The following ISG20 variants were observed in gnomAD, a reference collection of about 807,000 sequenced individuals.
ISG20 encodes the protein interferon-stimulated gene 20 kDa protein.
ISG20 carries 8 observed loss-of-function variants against 11.1 expected under a neutral mutation model. The ratio of observed to expected loss-of-function variants is 0.72; its 90% confidence interval spans 0.42 to 1.30. ISG20 has a LOEUF of 1.30. ISG20 is among the 50% of genes most tolerant of loss of function. ISG20 has a pLI of 0.01. For synonymous variants in ISG20, 110 were observed against 101.7 expected, an observed-to-expected ratio of 1.08 and a Z score of -0.49; for missense variants, 243 against 250.2, an observed-to-expected ratio of 0.97 and a Z score of 0.19.
chr15:88,656,339 T>A lies in ISG20; in HGVS notation c.*808T>A, dbSNP rs2058374771. On this transcript the variant is annotated 3_prime_UTR_variant, in exon 4 of 4. Transcript: ENST00000306072. The stretch of plus-strand genomic sequence containing the variant: ...ACCGCACTCTGTTTCGGGGCTCGGC[T>A]CTCTGAGGGGAGGGCATCCTGTATG... 1 of 152,106 alleles carries A rather than the reference T, an allele frequency of 6.6e-6. No individual in the cohort carries two copies. The highest frequency in any genetic ancestry group is 2.4e-5 in the African/African-American group (1 of 41,418). The allele number at this position is 152,106 out of a possible 1,614,324, so 9.4% of individuals were successfully genotyped here. A position where few individuals can be genotyped will look rare whatever the true frequency, so the allele number is the denominator to read the frequency against.
intron 3 of ISG20, among the ~76,000 whole-genome samples, chr15:88,653,966 T>C (rs1371694659): frequency 6.6e-6 from 1 of 152,044 alleles, no homozygotes; most frequent in Non-Finnish European, 1.5e-5. Flanking sequence ...TCTCATTCCA[T>C]CCTTTAAGGC....
chr15:88,647,040 G>A (rs1297814441), intron 2 of ISG20: 1 of 152,382 alleles, frequency 6.6e-6, no homozygotes, highest in African/African-American at 2.4e-5. Flanking sequence ...CATAGTGTTG[G>A]GATTATAGGC....
Position 88,639,697 on chromosome 15 carries a change from A to G in ISG20, c.228+103A>G. The G allele has an allele frequency of 2.3e-6, 2 of 851,236 alleles. No individual in the cohort carries two copies. The highest frequency in any genetic ancestry group is 3.7e-6 in the Non-Finnish European group (2 of 540,326). 52.7% of individuals were successfully genotyped at this position (851,236 alleles called of 1,614,324 possible). ...ATCTGTGACCTGTGACCCCACTTGT[A>G]AGATTTCCCACACTGCTGTTGGGAG... On this transcript the variant is annotated intron_variant, in intron 2 of 3. Transcript: ENST00000306072. The surrounding 1 kb of genome is among the most constrained non-coding windows in gnomAD (Gnocchi z 4.2).
chr15:88,654,961 G>T (rs771506521), intron 3 of ISG20, among the ~76,000 whole-genome samples: 5 of 152,082 alleles, frequency 3.3e-5, no homozygotes, highest in Non-Finnish European at 5.9e-5. Context: ...AGCTGCACAT[G>T]CTCTCCCTGC....
At chr15:88,645,733 G>C (rs1330052233) in intron 2 of ISG20, among the ~76,000 whole-genome samples, 1 of 152,060 alleles carries the variant, frequency 6.6e-6, no homozygotes, top group Admixed American at 6.6e-5. Context: ...GGCAGCCCCA[G>C]GCCAGAAGAG....
Position 88,641,139 on chromosome 15 carries a change from C to G in ISG20, c.228+1545C>G, listed in dbSNP as rs1195161744. 2.6e-5 allele frequency among the ~76,000 whole-genome samples: 4 copies of G among 151,968 alleles called. No individual in the cohort carries two copies. In the South Asian group the frequency reaches 8.3e-4, roughly 32 times the overall value. On this transcript the variant is annotated intron_variant, in intron 2 of 3. Coordinates refer to ENST00000306072, the MANE Select transcript of ISG20 (RefSeq NM_002201.6). ...TCCCAAGTAACTGGGACTACAGGCA[C>G]CCGCCACCATGCCCGGCTAATTTTT...
chr15:88,653,199 G>C (rs952574144), intron 3 of ISG20, among the ~76,000 whole-genome samples: 13 of 152,138 alleles, frequency 8.5e-5, no homozygotes, highest in Non-Finnish European at 1.3e-4. Context: ...GCTCTTGGTT[G>C]GTTGGGAGGT....
At chr15:88,640,524 T>C (rs568521154) in intron 2 of ISG20, among the ~76,000 whole-genome samples, 7 of 152,294 alleles carry the variant, frequency 4.6e-5, no homozygotes, top group South Asian at 2.1e-4. Context: ...TCCCATTACT[T>C]AACAGCTAAG....
upstream of ISG20, chr15:88,637,311 A>C (rs1286797257): frequency 2.0e-5 from 3 of 150,000 alleles, no homozygotes; most frequent in African/African-American, 4.9e-5. Flanking sequence ...GGGTCTGGAA[A>C]CTGCCTGGAG....
At position 88,650,267 on chromosome 15, in the gene ISG20, G is replaced by C. The variant is rs1039155821; in HGVS notation, c.229-1843G>C. 1 of 1,535,600 alleles carries C rather than the reference G, an allele frequency of 6.5e-7. No homozygotes were observed. The highest frequency in any genetic ancestry group is 1.4e-5 in the African/African-American group (1 of 73,054). On this transcript the variant is annotated intron_variant, in intron 2 of 3. Transcript: ENST00000306072. The surrounding 1 kb of genome is among the most constrained non-coding windows in gnomAD (Gnocchi z 4.0). ...TCCCATCCTCTCCAACGGCAGCTGA[G>C]TGAAAGCAAGCTGACTGGCCTGTGT... is the stretch of plus-strand genomic sequence containing the variant.
chr15:88,639,537 C>T lies in ISG20; in HGVS notation c.171C>T (p.Ser57=), dbSNP rs1472185015. ...GEITDYRTRV[S]GVTPQHMVGA... Reference sequence around the variant, plus strand: ...TCACCGATTACAGAACCCGGGTCAGCGGGGTCACCCCTCAGCACATGGTGG... The same window carrying T: ...TCACCGATTACAGAACCCGGGTCAGTGGGGTCACCCCTCAGCACATGGTGG... Residue 57 remains serine, a synonymous_variant, in exon 2 of 4, where the codon AGC becomes AGT. Coordinates refer to ENST00000306072, the MANE Select transcript of ISG20 (RefSeq NM_002201.6). The surrounding 1 kb of genome is among the most constrained non-coding windows in gnomAD (Gnocchi z 4.2). 5 of 1,614,042 alleles carry T rather than the reference C, an allele frequency of 3.1e-6. No individual in the cohort carries two copies. The highest frequency in any genetic ancestry group is 2.7e-5 in the African/African-American group (2 of 74,916).
At chr15:88,642,078 C>T (rs1010783329) in intron 2 of ISG20, among the ~76,000 whole-genome samples, 2 of 151,956 alleles carry the variant, frequency 1.3e-5, no homozygotes, top group African/African-American at 4.8e-5. Flanking sequence ...TATAGGTGTC[C>T]GCCACCACGC....
chr15:88,641,196 AT>A (rs1468742342), intron 2 of ISG20, among the ~76,000 whole-genome samples: 1 of 151,996 alleles, frequency 6.6e-6, no homozygotes, highest in East Asian at 1.9e-4. Flanking sequence ...GGGCTTCACC[AT>A]GTTGGCCAGG....
At chr15:88,636,301 TC>T (rs771925857), upstream of ISG20, 8 of 152,256 alleles carry the variant, frequency 5.3e-5, no homozygotes, top group Non-Finnish European at 1.0e-4. Flanking sequence ...AGGTAGAGCG[TC>T]GGCACCGGGA....
chr15:88,644,007 G>A (rs2058126113), intron 2 of ISG20, among the ~76,000 whole-genome samples: 1 of 152,186 alleles, frequency 6.6e-6, no homozygotes, highest in South Asian at 2.1e-4. Context: ...TGTATCAACA[G>A]TACAGTGTGG....
At chr15:88,641,238 G>T (rs1359366981) in intron 2 of ISG20, among the ~76,000 whole-genome samples, 1 of 152,122 alleles carries the variant, frequency 6.6e-6, no homozygotes, top group Admixed American at 6.5e-5. Context: ...GACCTCAGGT[G>T]ATCCGCCCAC....
At chr15:88,653,528 G>A (rs569131097) in intron 3 of ISG20, among the ~76,000 whole-genome samples, 1 of 152,270 alleles carries the variant, frequency 6.6e-6, no homozygotes, top group Non-Finnish European at 1.5e-5. Flanking sequence ...AGGCACATAA[G>A]GGCCAGGCTG....
intron 2 of ISG20, among the ~76,000 whole-genome samples, chr15:88,641,334 CTG>C (rs1004053505): frequency 2.0e-5 from 3 of 152,130 alleles, no homozygotes; most frequent in East Asian, 1.9e-4. Context: ...GATGAGGAAA[CTG>C]GGGCTCGCTT....
rs752817650 is a variant in ISG20 at position 88,655,570 on chromosome 15, C to A, written c.*39C>A. On this transcript the variant is annotated 3_prime_UTR_variant, in exon 4 of 4. Transcript: ENST00000306072. The stretch of plus-strand genomic sequence containing the variant: ...CCGTTCCGCAGGGACTAGAGGCTTT[C>A]GGCTTTTTGGGACAGCAACTACCTT... 3 of 1,498,706 alleles carry A rather than the reference C, an allele frequency of 2.0e-6. No homozygotes were observed. In the Admixed American group the frequency reaches 6.2e-5, roughly 31 times the overall value. The allele number at this position is 1,498,706 out of a possible 1,614,324, so 92.8% of individuals were successfully genotyped here. A position where few individuals can be genotyped will look rare whatever the true frequency, so the allele number is the denominator to read the frequency against.
Sources: allele counts gnomAD v4.1 joint callset (sites outside exome capture counted in the v4.1 genomes callset), GRCh38; gene constraint gnomAD v4.1.1; non-coding constraint Gnocchi (gnomAD v3.1); transcripts MANE v1.5; gene names NCBI Gene and HGNC (gene_info 2026-07-23, HGNC 2026-07-21).